The following ACVR1 variants were observed in gnomAD, a reference collection of about 807,000 sequenced individuals.
ACVR1 encodes the protein activin receptor type-1.
In ACVR1, 38 loss-of-function variants were observed where a neutral mutation model predicts 57.1. The ratio of observed to expected loss-of-function variants is 0.67; its 90% CI spans 0.51 to 0.87. The LOEUF is 0.87. Ranked by LOEUF, ACVR1 falls within the 40% of genes least tolerant of loss-of-function variation. The pLI, the probability that ACVR1 is intolerant of heterozygous loss-of-function variation, is 0.00. For missense variants in ACVR1, 463 were observed against 638.2 expected, an observed-to-expected ratio of 0.73 and a Z score of 2.96; for synonymous variants, 212 against 228.1, an observed-to-expected ratio of 0.93 and a Z score of 0.63.
chr2:157,764,187 T>C (rs1685769979), intron 8 of ACVR1, among the ~76,000 whole-genome samples: 1 of 151,758 alleles, frequency 6.6e-6, no homozygotes, highest in African/African-American at 2.4e-5. Context: ...TCACACTATA[T>C]ATATATTTTT....
chr2:157,738,329 C>T, intron 10 of ACVR1, 111 bp downstream of exon 10: 1 of 1,517,626 alleles, frequency 6.6e-7, no homozygotes, highest in Non-Finnish European at 9.1e-7. Flanking sequence ...GAAGAGAAAA[C>T]AACAGATCCA....
chr2:157,857,097 C>T (rs1014643706), intron 1 of ACVR1, among the ~76,000 whole-genome samples: 1 of 152,018 alleles, frequency 6.6e-6, no homozygotes, highest in African/African-American at 2.4e-5. Flanking sequence ...ATTCAGGAGG[C>T]TGAAGTGGGA....
chr2:157,852,723 T>C (rs1689366559), intron 1 of ACVR1, among the ~76,000 whole-genome samples: 2 of 152,308 alleles, frequency 1.3e-5, no homozygotes, highest in South Asian at 4.1e-4. Context: ...TATGATCCTC[T>C]AAATGGTATT....
intron 2 of ACVR1, among the ~76,000 whole-genome samples, chr2:157,800,244 A>G (rs1275510354): frequency 6.6e-6 from 1 of 152,212 alleles, no homozygotes; most frequent in Non-Finnish European, 1.5e-5. Context: ...TTCTTTAATG[A>G]TAGGTTAGTG....
intron 1 of ACVR1, among the ~76,000 whole-genome samples, chr2:157,823,339 T>C (rs911760151): frequency 6.6e-6 from 1 of 152,170 alleles, no homozygotes; most frequent in African/African-American, 2.4e-5. Flanking sequence ...AAAACATATA[T>C]ATTTCCCAAG....
chr2:157,801,581 C>T, intron 2 of ACVR1, among the ~76,000 whole-genome samples: 2 of 152,236 alleles, frequency 1.3e-5, no homozygotes. Flanking sequence ...ATTTGAAAAA[C>T]GGATTTGCAA....
In ACVR1 at chr2:157,766,202, G is replaced by C; in HGVS notation, c.791-6C>G. ...CATGTCTGAAGCAATGAAACCTGGA[G>C]AGAGCAAGAAAAAAATTAATATACA... On this transcript the variant is annotated splice_region_variant and splice_polypyrimidine_tract_variant and intron_variant, in intron 7 of 10. Transcript: ENST00000434821. 6.2e-7 allele frequency: 1 copy of C among 1,613,854 alleles called. No homozygotes were observed.
At chr2:157,753,429 G>A (rs1345915165) in intron 9 of ACVR1, among the ~76,000 whole-genome samples, 2 of 152,160 alleles carry the variant, frequency 1.3e-5, no homozygotes, top group African/African-American at 2.4e-5. Context: ...TCAGGAGGCT[G>A]AGGCAGGAGA....
At position 157,737,682 on chromosome 2, in the gene ACVR1, C is replaced by G; in HGVS notation, c.1396-17G>C. Reference sequence around the variant, plus strand: ...GGTTAATGTCTGAGGAGAGAAAGAACAAACACCACAATGACAAACTGGCTT... The same window carrying G: ...GGTTAATGTCTGAGGAGAGAAAGAAGAAACACCACAATGACAAACTGGCTT... On this transcript the variant is annotated splice_polypyrimidine_tract_variant and intron_variant, in intron 10 of 10. Transcript: ENST00000434821. 6.2e-7 allele frequency: 1 copy of G among 1,614,040 alleles called. No homozygotes were observed. The highest frequency in any genetic ancestry group is 2.2e-5 in the East Asian group (1 of 44,872).
chr2:157,817,603 C>T (rs1687986629), intron 2 of ACVR1, among the ~76,000 whole-genome samples: 2 of 152,052 alleles, frequency 1.3e-5, no homozygotes, highest in African/African-American at 4.8e-5. Context: ...GGGATATTGA[C>T]AGTAGGGGAG....
chr2:157,817,455 A>G (rs1275249246), intron 2 of ACVR1, among the ~76,000 whole-genome samples: 1 of 152,194 alleles, frequency 6.6e-6, no homozygotes, highest in East Asian at 1.9e-4. Flanking sequence ...ATAATGGTAG[A>G]TGCATGTCAT....
chr2:157,799,739 G>A (rs951944569), intron 2 of ACVR1, among the ~76,000 whole-genome samples: 2 of 152,104 alleles, frequency 1.3e-5, no homozygotes, highest in African/African-American at 4.8e-5. Flanking sequence ...TAGTTTCTAA[G>A]TCTACTCTCT....
intron 2 of ACVR1, 33 bp from the exon 3 acceptor site, chr2:157,799,533 C>A: frequency 2.0e-6 from 3 of 1,527,654 alleles, no homozygotes; most frequent in Non-Finnish European, 2.7e-6. Context: ...GTAAGTAAAG[C>A]ATAAATATCT....
chr2:157,756,700 T>C (rs1056738964), intron 9 of ACVR1, among the ~76,000 whole-genome samples: 3 of 151,968 alleles, frequency 2.0e-5, no homozygotes, highest in Admixed American at 1.3e-4. Context: ...ACTTCTACAC[T>C]GCTAGTGGGA....
rs769927793 is a variant in ACVR1 at position 157,760,938 on chromosome 2, G to A, written c.1206C>T (p.Val402=). The A allele has an allele frequency of 6.2e-7, 1 of 1,613,954 alleles. No homozygotes were observed. The highest frequency in any genetic ancestry group is 8.5e-7 in the Non-Finnish European group (1 of 1,179,978). The change falls in exon 9 of 11, where the codon GTC becomes GTT. Residue 402 remains valine, a synonymous_variant. Coordinates refer to ENST00000434821, the MANE Select transcript of ACVR1 (RefSeq NM_001111067.4). Reference sequence around the variant, plus strand: ...AAACAAGTCCAAAGGCCCAAATATCGACCCTTTTATAAGAATCGAAACAAT... The same window carrying A: ...AAACAAGTCCAAAGGCCCAAATATCAACCCTTTTATAAGAATCGAAACAAT... ...QVDCFDSYKR[V]DIWAFGLVLW...
intron 1 of ACVR1, among the ~76,000 whole-genome samples, chr2:157,833,084 A>C (rs972653953): frequency 3.9e-5 from 6 of 152,184 alleles, no homozygotes; most frequent in South Asian, 2.1e-4. Context: ...CTTTTGTCAC[A>C]CATTTCTACC....
At chr2:157,842,782 G>C (rs1689020705) in intron 1 of ACVR1, among the ~76,000 whole-genome samples, 1 of 152,158 alleles carries the variant, frequency 6.6e-6, no homozygotes, top group African/African-American at 2.4e-5. Flanking sequence ...CTACACAGAG[G>C]AATTTAAGGA....
At chr2:157,745,410 T>A (rs1316807250) in intron 9 of ACVR1, among the ~76,000 whole-genome samples, 5 of 152,180 alleles carry the variant, frequency 3.3e-5, no homozygotes, top group African/African-American at 1.2e-4. Flanking sequence ...TGTTACAAGG[T>A]TTAGGATACA....
intron 1 of ACVR1, among the ~76,000 whole-genome samples, chr2:157,867,950 C>T (rs1689995262): frequency 6.6e-6 from 1 of 152,084 alleles, no homozygotes; most frequent in African/African-American, 2.4e-5. Flanking sequence ...GGGGCCAGAC[C>T]AAGGCCTGCT....
Sources: allele counts gnomAD v4.1 joint callset (sites outside exome capture counted in the v4.1 genomes callset), GRCh38; gene constraint gnomAD v4.1.1; transcripts MANE v1.5; gene names NCBI Gene and HGNC (gene_info 2026-07-23, HGNC 2026-07-21).